The following RASA2 variants were observed in gnomAD, a reference collection of about 807,000 sequenced individuals.
RASA2 encodes the protein RAS p21 protein activator 2, also known as ras GTPase-activating protein 2.
Under a neutral mutation model 118.2 loss-of-function variants are expected in RASA2, and 155 were observed. The observed-to-expected ratio is 1.31, with a 90% CI of 1.15 to 1.50. RASA2 has a LOEUF of 1.50. Ranked by LOEUF, RASA2 falls within the 40% of genes most tolerant of loss-of-function variation. RASA2 has a pLI of 0.00. For missense variants in RASA2, 1,016 were observed against 1,009.6 expected (o/e 1.01, Z -0.09); for synonymous variants, 353 against 349.1 (o/e 1.01, Z -0.12).
chr3:141,572,761 T>G, intron 12 of RASA2, 38 bp downstream of exon 12: 3 of 1,417,782 alleles, frequency 2.1e-6, no homozygotes, highest in Non-Finnish European at 2.9e-6. Flanking sequence ...GTTTGTGGCC[T>G]TATGATAGTT....
At chr3:141,500,024 T>C (rs2081756190) in intron 1 of RASA2, among the ~76,000 whole-genome samples, 1 of 152,228 alleles carries the variant, frequency 6.6e-6, no homozygotes, top group African/African-American at 2.4e-5. Context: ...AATTTATGCA[T>C]TGGAAAACTC....
At chr3:141,574,353 C>G (rs2082975018) in intron 14 of RASA2, among the ~76,000 whole-genome samples, 1 of 151,852 alleles carries the variant, frequency 6.6e-6, no homozygotes, top group Non-Finnish European at 1.5e-5. Context: ...CCATGCCCAG[C>G]TAATTTTTTA....
At chr3:141,554,437 G>C (rs111956962) in intron 6 of RASA2, among the ~76,000 whole-genome samples, 5 of 152,300 alleles carry the variant, frequency 3.3e-5, no homozygotes, top group African/African-American at 1.2e-4. Context: ...TGAAGTACTA[G>C]AGCATGGCAA....
chr3:141,549,329 C>G (rs1450032785), intron 5 of RASA2, among the ~76,000 whole-genome samples: 1 of 152,096 alleles, frequency 6.6e-6, no homozygotes, highest in Non-Finnish European at 1.5e-5. Context: ...TAAACATGGT[C>G]TAGTATCTCT....
intron 6 of RASA2, among the ~76,000 whole-genome samples, chr3:141,555,160 C>T (rs2082630302): frequency 6.6e-6 from 1 of 152,126 alleles, no homozygotes; most frequent in South Asian, 2.1e-4. Context: ...ACTCGGGAGG[C>T]TGAGGCAGGA....
chr3:141,555,154 G>A (rs976061394), intron 6 of RASA2, among the ~76,000 whole-genome samples: 28 of 152,130 alleles, frequency 1.8e-4, no homozygotes, highest in Non-Finnish European at 1.0e-4. Context: ...CCAGCTACTC[G>A]GGAGGCTGAG....
intron 1 of RASA2, 119 bp from the exon 2 acceptor site, chr3:141,512,044 G>GTT (rs145312322): frequency 3.5e-3 from 1,902 of 535,968 alleles, no homozygotes; most frequent in South Asian, 6.3e-3. Context: ...AATCACTAGT[G>GTT]TTTTTTTTTT....
intron 15 of RASA2, chr3:141,578,626 G>C (rs538483592): frequency 2.0e-5 from 3 of 152,280 alleles, no homozygotes; most frequent in African/African-American, 7.2e-5. Context: ...GCAGAGAGTG[G>C]GCCAGTGTCC....
chr3:141,581,596 A>G (rs1403714442), intron 17 of RASA2, among the ~76,000 whole-genome samples: 1 of 152,208 alleles, frequency 6.6e-6, no homozygotes, highest in African/African-American at 2.4e-5. Flanking sequence ...GGTATTGCCA[A>G]ATGTTCCTTG....
chr3:141,516,735 T>C (rs1195010971), intron 3 of RASA2, among the ~76,000 whole-genome samples: 1 of 152,074 alleles, frequency 6.6e-6, no homozygotes, highest in Non-Finnish European at 1.5e-5. Flanking sequence ...ATATCTAGGT[T>C]CTCTAGTTAA....
intron 12 of RASA2, among the ~76,000 whole-genome samples, 172 bp downstream of exon 12, chr3:141,572,895 G>T (rs2082947213): frequency 6.6e-6 from 1 of 152,098 alleles, no homozygotes; most frequent in African/African-American, 2.4e-5. Context: ...TACTCAAAAG[G>T]TACAGTATAG....
intron 8 of RASA2, 58 bp downstream of exon 8, chr3:141,559,020 A>T: frequency 7.0e-7 from 1 of 1,426,824 alleles, no homozygotes; most frequent in Admixed American, 2.1e-5. Flanking sequence ...AAAATCCTAG[A>T]TTCAACCAAA....
chr3:141,552,629 CTG>C (rs1248544444), intron 5 of RASA2, among the ~76,000 whole-genome samples: 1 of 152,216 alleles, frequency 6.6e-6, no homozygotes, highest in Non-Finnish European at 1.5e-5. Flanking sequence ...GAAAATCTGA[CTG>C]TACCTCAACC....
intron 14 of RASA2, among the ~76,000 whole-genome samples, chr3:141,576,052 C>T (rs747017774): frequency 5.9e-5 from 9 of 152,190 alleles, no homozygotes; most frequent in Non-Finnish European, 7.3e-5. Context: ...GCTGGAATTA[C>T]GGGCGTGGGC....
chr3:141,598,500 A>G (rs1480063752), intron 19 of RASA2, among the ~76,000 whole-genome samples: 1 of 152,204 alleles, frequency 6.6e-6, no homozygotes, highest in East Asian at 1.9e-4. Context: ...TAGTTAAATC[A>G]AGGATTATCC....
At chr3:141,571,955 GT>G (rs1208288639) in intron 11 of RASA2, among the ~76,000 whole-genome samples, 3 of 146,016 alleles carry the variant, frequency 2.1e-5, no homozygotes, top group South Asian at 4.4e-4. Flanking sequence ...TAACACTGTT[GT>G]TTTTTTACAC....
At chr3:141,550,585 T>C (rs578076077) in intron 5 of RASA2, among the ~76,000 whole-genome samples, 145 of 152,384 alleles carry the variant, frequency 9.5e-4, no homozygotes, top group Middle Eastern at 3.4e-3. Flanking sequence ...ACAGAAACTA[T>C]TATTTTAACA....
At chr3:141,591,832 A>G (rs945197639) in intron 19 of RASA2, among the ~76,000 whole-genome samples, 2 of 151,088 alleles carry the variant, frequency 1.3e-5, no homozygotes, top group African/African-American at 4.9e-5. Flanking sequence ...AATACACTGA[A>G]GTTGACACGG....
chr3:141,551,677 C>T (rs1310057790), intron 5 of RASA2, among the ~76,000 whole-genome samples: 2 of 151,992 alleles, frequency 1.3e-5, no homozygotes, highest in Non-Finnish European at 1.5e-5. Flanking sequence ...TTGTTCAATT[C>T]GTTTTGGGTG....
Sources: allele counts gnomAD v4.1 joint callset (sites outside exome capture counted in the v4.1 genomes callset), GRCh38; gene constraint gnomAD v4.1.1; transcripts MANE v1.5; gene names NCBI Gene and HGNC (gene_info 2026-07-23, HGNC 2026-07-21).